The following JAM3 variants were observed in gnomAD, a reference collection of about 807,000 sequenced individuals.
JAM3 encodes junctional adhesion molecule C.
In JAM3, 31 loss-of-function variants were observed where a neutral mutation model predicts 39.4. That is an observed-to-expected ratio of 0.79 (90% CI 0.59 to 1.06). The LOEUF (loss-of-function observed/expected upper bound fraction) is 1.06, where lower values mean the gene tolerates loss of function less well. Among genes scored for constraint, JAM3 ranks in the 50% least tolerant of loss-of-function variants. The probability of loss-of-function intolerance (pLI) is 0.00; values close to 1 mark genes in which losing one functional copy is unlikely to be tolerated. For synonymous variants in JAM3, 182 were observed against 148.7 expected (o/e 1.22, Z -1.63); for missense variants, 455 against 391.4 (o/e 1.16, Z -1.37).
intron 1 of JAM3, among the ~76,000 whole-genome samples, chr11:134,089,898 T>A (rs895368507): frequency 1.8e-4 from 27 of 152,210 alleles, no homozygotes; most frequent in East Asian, 7.7e-4. Flanking sequence ...ACTTCCACAA[T>A]GATTGAACTA....
intron 1 of JAM3, 137 bp from the exon 2 acceptor site, chr11:134,139,714 C>T (rs563963077): frequency 7.5e-5 from 55 of 730,814 alleles, no homozygotes; most frequent in Non-Finnish European, 1.3e-4. Flanking sequence ...ACCTAAGAGA[C>T]TTTATTGTGG....
At chr11:134,121,821 GCACACA>G (rs1555117431) in intron 1 of JAM3, among the ~76,000 whole-genome samples, 163 of 148,500 alleles carry the variant, frequency 1.1e-3, no homozygotes, top group East Asian at 6.5e-3. Flanking sequence ...GCATGTGTGC[GCACACA>G]CACACACACA....
At chr11:134,146,958 C>T (rs189997314) in intron 6 of JAM3, among the ~76,000 whole-genome samples, 1 of 152,296 alleles carries the variant, frequency 6.6e-6, no homozygotes, top group East Asian at 1.9e-4. Flanking sequence ...CCATTTGGGA[C>T]CACTGTTTCA....
chr11:134,130,137 G>A (rs911244937), intron 1 of JAM3, among the ~76,000 whole-genome samples: 2 of 152,172 alleles, frequency 1.3e-5, no homozygotes, highest in Non-Finnish European at 2.9e-5. Flanking sequence ...ACCTAGTTCT[G>A]GATTGAAAAC....
At position 134,148,675 on chromosome 11, in the gene JAM3, A is replaced by T. The variant is rs1281513251; in HGVS notation, c.841A>T (p.Ser281Cys). The T allele has an allele frequency of 6.2e-7, 1 of 1,614,090 alleles. No individual in the cohort carries two copies. The highest frequency in any genetic ancestry group is 8.5e-7 in the Non-Finnish European group (1 of 1,180,046). Residue 281 changes from serine (S) to cysteine (C), a missense_variant and splice_region_variant, in exon 7 of 9, where the codon AGT becomes TGT. Physicochemically the swap from Ser to Cys is moderately radical, Grantham distance 112. Transcript: ENST00000299106. The stretch of plus-strand genomic sequence containing the variant: ...CATCAACAATAAACAGGATGGAGAA[A>T]GGTGAGCCTGCCTTATGTGAAAAAA... The part of the protein sequence containing the change: ...YFINNKQDGE[S>C]YKNPGKPDGV...
chr11:134,108,563 G>A (rs115017760), intron 1 of JAM3, among the ~76,000 whole-genome samples: 162 of 152,220 alleles, frequency 1.1e-3, no homozygotes, highest in African/African-American at 3.8e-3. Context: ...AAAAGACCAA[G>A]TTCTGGCTGT....
rs527765844 is a variant in JAM3, at chr11:134,070,390, T to C, written c.76+1231T>C. On this transcript the variant is annotated intron_variant, in intron 1 of 8. Transcript: ENST00000299106. ...CAAATTAAAACACGGAGGGACTGTT[T>C]AGGAGTGAAGGTGGACAGATTTTGG... 24 of 361,602 alleles carry C rather than the reference T, an allele frequency of 6.6e-5. No homozygotes were observed. The East Asian group carries it at 1.8e-3, about 26-fold the overall frequency. 22.4% of individuals were successfully genotyped at this position (361,602 alleles called of 1,614,324 possible).
At chr11:134,102,695 G>A (rs1199067348) in intron 1 of JAM3, among the ~76,000 whole-genome samples, 1 of 152,208 alleles carries the variant, frequency 6.6e-6, no homozygotes, top group Non-Finnish European at 1.5e-5. Context: ...GAAAACCATG[G>A]CATGAGAACT....
Position 134,148,694 on chromosome 11 carries a change from G to GA in JAM3, c.842+24dup. The stretch of plus-strand genomic sequence containing the variant: ...GGAGAAAGGTGAGCCTGCCTTATGT[G>GA]AAAAAAGGGAAGTTCAAGCTGGCAA... On this transcript the variant is annotated intron_variant, in intron 7 of 8. Coordinates refer to ENST00000299106, the MANE Select transcript of JAM3 (RefSeq NM_032801.5). 6.2e-7 allele frequency: 1 copy of GA among 1,614,018 alleles called. No homozygotes were observed. Among genetic ancestry groups the GA allele is most frequent in the East Asian group, 2.2e-5 (1 of 44,872 alleles).
intron 1 of JAM3, among the ~76,000 whole-genome samples, chr11:134,132,672 G>A (rs1304790123): frequency 6.6e-6 from 1 of 152,144 alleles, no homozygotes; most frequent in East Asian, 1.9e-4. Flanking sequence ...ATGCTTCAGA[G>A]GTATTTCAAA....
At chr11:134,069,242 C>A in intron 1 of JAM3, 83 bp downstream of exon 1, 2 of 1,534,352 alleles carry the variant, frequency 1.3e-6, no homozygotes, top group South Asian at 2.4e-5. Context: ...TGGAGCCGGT[C>A]CGGGCGAGGA....
At chr11:134,139,954 T>C (rs1942944581) in intron 2 of JAM3, 38 bp downstream of exon 2, 1 of 1,462,196 alleles carries the variant, frequency 6.8e-7, no homozygotes, top group South Asian at 1.1e-5. Context: ...ATGGGCACCA[T>C]CTACTGGACA....
chr11:134,141,457 G>C (rs73042012), intron 3 of JAM3, among the ~76,000 whole-genome samples: 5 of 152,102 alleles, frequency 3.3e-5, no homozygotes, highest in Middle Eastern at 3.4e-3. Flanking sequence ...AGGGAGGAGA[G>C]GGGGGAGAGG....
At chr11:134,130,095 A>G (rs992199634) in intron 1 of JAM3, among the ~76,000 whole-genome samples, 5 of 152,212 alleles carry the variant, frequency 3.3e-5, no homozygotes, top group Admixed American at 3.3e-4. Flanking sequence ...TTATAAGCAC[A>G]TCGAGTAGTT....
intron 1 of JAM3, among the ~76,000 whole-genome samples, chr11:134,079,605 T>G (rs1941631361): frequency 6.6e-6 from 1 of 152,208 alleles, no homozygotes; most frequent in Non-Finnish European, 1.5e-5. Context: ...TGTGATTCAT[T>G]TTTTAGACCT....
intron 1 of JAM3, among the ~76,000 whole-genome samples, chr11:134,118,136 A>G (rs916796568): frequency 1.3e-5 from 2 of 152,168 alleles, no homozygotes; most frequent in African/African-American, 4.8e-5. Flanking sequence ...CAAATGAGTT[A>G]TTTTACTGAA....
chr11:134,100,288 C>T (rs868487128), intron 1 of JAM3, among the ~76,000 whole-genome samples: 15 of 152,132 alleles, frequency 9.9e-5, no homozygotes, highest in African/African-American at 2.4e-4. Context: ...TTCTGAGGAA[C>T]GATTGCTTTC....
At chr11:134,085,331 T>C (rs1346957264) in intron 1 of JAM3, among the ~76,000 whole-genome samples, 3 of 152,154 alleles carry the variant, frequency 2.0e-5, no homozygotes, top group African/African-American at 7.2e-5. Flanking sequence ...AAATTAACCA[T>C]GCTAAAGGGA....
At chr11:134,110,555 T>G (rs1942288811) in intron 1 of JAM3, among the ~76,000 whole-genome samples, 1 of 152,190 alleles carries the variant, frequency 6.6e-6, no homozygotes, top group Admixed American at 6.5e-5. Context: ...AGAGTACATA[T>G]GGTATGATTC....
Sources: gnomAD v4.1 joint callset for allele counts (sites outside exome capture counted in the v4.1 genomes callset) on GRCh38, gnomAD v4.1.1 for gene constraint, MANE v1.5 for transcripts, NCBI Gene and HGNC (gene_info 2026-07-23, HGNC 2026-07-21) for gene names.